Variants in HNF1A observed in about 807,000 individuals in gnomAD.
The protein encoded by HNF1A is hepatocyte nuclear factor 1-alpha.
In HNF1A, 21 loss-of-function variants were observed where a neutral mutation model predicts 62.2. That is an observed-to-expected ratio of 0.34 (90% CI 0.24 to 0.49). The LOEUF (loss-of-function observed/expected upper bound fraction) is 0.49, where lower values mean the gene tolerates loss of function less well. Ranked by LOEUF, HNF1A falls within the 20% of genes least tolerant of loss-of-function variation. The pLI, the probability that HNF1A is intolerant of heterozygous loss-of-function variation, is 0.99. For missense variants in HNF1A, 687 were observed against 832.3 expected, an observed-to-expected ratio of 0.83 and a Z score of 2.15; for synonymous variants, 374 against 366.8, an observed-to-expected ratio of 1.02 and a Z score of -0.22.
intron 9 of HNF1A, chr12:121,000,441 T>A (rs1565888624): frequency 6.1e-6 from 1 of 163,056 alleles, no homozygotes. Flanking sequence ...CGAACCCAGG[T>A]CCCACCTCAA....
In HNF1A at chr12:120,996,927, TCTC is replaced by T. The variant is rs1340026595; in HGVS notation, c.1309+186_1309+188del. ...CCTGGGTGAACCAAACAGACCAAAA[TCTC>T]AGCAACTCAAGCAGGGAGGCAGGCA... is the stretch of plus-strand genomic sequence containing the variant. On this transcript the variant is annotated intron_variant, in intron 6 of 9. Transcript: ENST00000257555. This position sits in a 1 kb window ranked among gnomAD's most constrained non-coding sequence, Gnocchi z 4.5. The T allele has an allele frequency of 9.3e-6, 14 of 1,500,546 alleles. No homozygotes were observed. The highest frequency in any genetic ancestry group is 1.3e-5 in the Non-Finnish European group (14 of 1,103,222). The allele number at this position is 1,500,546 out of a possible 1,614,324, so 93.0% of individuals were successfully genotyped here.
At chr12:120,992,209 A>T (rs1234658867) in intron 2 of HNF1A, among the ~76,000 whole-genome samples, 1 of 152,060 alleles carries the variant, frequency 6.6e-6, no homozygotes, top group African/African-American at 2.4e-5. Context: ...TTCACACAGC[A>T]TTTCTTGACT....
chr12:120,999,793 A>T (rs928118338), intron 9 of HNF1A, among the ~76,000 whole-genome samples, 166 bp downstream of exon 9: 9 of 152,092 alleles, frequency 5.9e-5, no homozygotes, highest in Admixed American at 5.9e-4. Context: ...GGCTTCCATG[A>T]AGCCCAAGAG....
rs1877179044 is a variant in HNF1A at position 120,997,613 on chromosome 12, T to C, written c.1449T>C (p.His483=). The C allele has an allele frequency of 6.2e-7, 1 of 1,613,578 alleles. No homozygotes were observed. The change falls in exon 7 of 10, where the codon CAT becomes CAC. Residue 483 remains histidine, a synonymous_variant. Coordinates refer to ENST00000257555, the MANE Select transcript of HNF1A (RefSeq NM_000545.8). ...QQPLMPPVQS[H]VTQSPFMATM... Reference sequence around the variant, plus strand: ...CGCTCATGCCACCTGTGCAGAGCCATGTGACCCAGAGCCCCTTCATGGCCA... The same window carrying C: ...CGCTCATGCCACCTGTGCAGAGCCACGTGACCCAGAGCCCCTTCATGGCCA...
rs531051163 is a variant in HNF1A at position 120,994,719 on chromosome 12, C to G, written c.955+314C>G. ...TCCACTCAACTCCACTCCATCCACT[C>G]CACTCCGTCCAACTTCATCCCATCC... is the stretch of plus-strand genomic sequence containing the variant. On this transcript the variant is annotated intron_variant, in intron 4 of 9. Transcript: ENST00000257555. 1.4e-3 allele frequency among the ~76,000 whole-genome samples: 216 copies of G among 151,466 alleles called. 1 individual carries two copies. The highest frequency in any genetic ancestry group is 4.7e-3 in the African/African-American group (192 of 41,086).
intron 7 of HNF1A, among the ~76,000 whole-genome samples, chr12:120,998,637 G>C (rs1306502755): frequency 6.6e-6 from 1 of 152,090 alleles, no homozygotes; most frequent in Non-Finnish European, 1.5e-5. Context: ...AGAATATGTG[G>C]TTTATGTGCG....
rs766704468 is a variant in HNF1A at position 120,979,030 on chromosome 12, G to A, written c.262G>A (p.Glu88Lys). The change falls in exon 1 of 10, where the codon GAG becomes AAG. Residue 88 changes from glutamate (E) to lysine (K), a missense_variant. Glu to Lys is a moderately conservative substitution (Grantham distance 56, BLOSUM62 1). Coordinates refer to ENST00000257555, the MANE Select transcript of HNF1A (RefSeq NM_000545.8). ...GEDFTPPILKELENLSPEEAA... is the reference protein window; with the variant it reads ...GEDFTPPILKKLENLSPEEAA... Reference sequence around the variant, plus strand: ...AGACTTCACGCCACCCATCCTCAAAGAGCTGGAGAACCTCAGCCCTGAGGA... The same window carrying A: ...AGACTTCACGCCACCCATCCTCAAAAAGCTGGAGAACCTCAGCCCTGAGGA... The A allele has an allele frequency of 1.9e-6, 3 of 1,611,750 alleles. No homozygotes were observed. The South Asian group carries it at 3.3e-5, about 18-fold the overall frequency.
chr12:120,998,699 T>C (rs546011824), intron 7 of HNF1A, among the ~76,000 whole-genome samples: 73 of 151,932 alleles, frequency 4.8e-4, no homozygotes, highest in African/African-American at 1.7e-3. Flanking sequence ...TCCTGAGGGG[T>C]GGGTGGAGGT....
chr12:120,997,381 C>A, intron 6 of HNF1A, 93 bp from the exon 7 acceptor site: 1 of 1,413,618 alleles, frequency 7.1e-7, no homozygotes, highest in Non-Finnish European at 9.4e-7. Context: ...AAACCACGGG[C>A]TCTGGGAAGG....
chr12:121,001,086 T>G lies in HNF1A; in HGVS notation c.1790T>G (p.Leu597Arg). 6.2e-7 allele frequency: 1 copy of G among 1,613,762 alleles called. No individual in the cohort carries two copies. Among genetic ancestry groups the G allele is most frequent in the Non-Finnish European group, 8.5e-7 (1 of 1,179,894 alleles). The stretch of plus-strand genomic sequence containing the variant: ...GCAGTGTCCTCCAGCAGCCTGGTGC[T>G]GTACCAGAGCTCAGACTCCAGCAAT... ...SPTVSSSSLV[L>R]YQSSDSSNGQ... is the part of the protein sequence containing the mutation. The change falls in exon 10 of 10, where the codon CTG becomes CGG. Residue 597 changes from leucine to arginine, a missense_variant. Leu to Arg is a moderately radical substitution (Grantham distance 102). Around this residue, in one of 5 missense-constraint regions of HNF1A, gnomAD observed 408 missense variants for 455.3 expected, o/e 0.90. Coordinates refer to ENST00000257555, the MANE Select transcript of HNF1A (RefSeq NM_000545.8).
At position 120,978,773 on chromosome 12, in the gene HNF1A, T is replaced by C; in HGVS notation, c.5T>C (p.Val2Ala). 3 of 1,612,262 alleles carry C rather than the reference T, an allele frequency of 1.9e-6. No homozygotes were observed. The highest frequency in any genetic ancestry group is 2.5e-6 in the Non-Finnish European group (3 of 1,179,672). The change falls in exon 1 of 10, where the codon GTT (valine) becomes GCT (alanine). Residue 2 changes from valine to alanine, a missense_variant. This residue lies in a region of HNF1A where 159 missense variants were observed against 154.4 expected (regional missense o/e 1.03). Transcript: ENST00000257555. ...TGGCCCTGTGGCAGCCGAGCCATGG[T>C]TTCTAAACTGAGCCAGCTGCAGACG... M[V>A]SKLSQLQTEL...
intron 7 of HNF1A, 28 bp downstream of exon 7, chr12:120,997,693 G>A (rs748900243): frequency 1.3e-6 from 2 of 1,594,146 alleles, no homozygotes; most frequent in Non-Finnish European, 1.7e-6. Context: ...CACACAGCAG[G>A]AGATGATGAT....
intron 1 of HNF1A, among the ~76,000 whole-genome samples, chr12:120,987,697 C>A (rs986442573): frequency 6.6e-6 from 1 of 151,908 alleles, no homozygotes. Context: ...ACAGGACAAG[C>A]AGAGTCCCAC....
Position 121,002,445 on chromosome 12 carries a change from G to T in HNF1A, c.*1253G>T. The T allele has an allele frequency of 1.9e-6, 1 of 530,892 alleles. No homozygotes were observed. The highest frequency in any genetic ancestry group is 1.5e-5 in the South Asian group (1 of 65,178). The allele number at this position is 530,892 out of a possible 1,614,324, so 32.9% of individuals were successfully genotyped here. A position where few individuals can be genotyped will look rare whatever the true frequency, so the allele number is the denominator to read the frequency against. ...GGTGACCCGGCACCCCCTGCAGCTT[G>T]TAGCCAGCCGGGGCGAGTGGCACGT... is the stretch of plus-strand genomic sequence containing the variant. On this transcript the variant is annotated 3_prime_UTR_variant, in exon 10 of 10. Coordinates refer to ENST00000257555, the MANE Select transcript of HNF1A (RefSeq NM_000545.8).
Position 121,001,669 on chromosome 12 carries a change from G to A in HNF1A, c.*477G>A, listed in dbSNP as rs1877498396. 4.3e-6 allele frequency: 2 copies of A among 463,800 alleles called. No individual in the cohort carries two copies. Among genetic ancestry groups the A allele is most frequent in the Non-Finnish European group, 4.2e-6 (1 of 240,102 alleles). The allele number at this position is 463,800 out of a possible 1,614,324, so 28.7% of individuals were successfully genotyped here. On this transcript the variant is annotated 3_prime_UTR_variant, in exon 10 of 10. Coordinates refer to ENST00000257555, the MANE Select transcript of HNF1A (RefSeq NM_000545.8). ...TTGTTCTGTCACCAATGTACCCACCGGGCCACTCCTTCCTGCCCCAACTCC... is the reference window on the plus strand; with the variant it reads ...TTGTTCTGTCACCAATGTACCCACCAGGCCACTCCTTCCTGCCCCAACTCC...
At chr12:120,984,196 G>A (rs1876398209) in intron 1 of HNF1A, among the ~76,000 whole-genome samples, 1 of 152,116 alleles carries the variant, frequency 6.6e-6, no homozygotes, top group Admixed American at 6.5e-5. Context: ...GTTCGTATCA[G>A]CTCACTTTAA....
chr12:120,985,657 G>A (rs1876473217), intron 1 of HNF1A, among the ~76,000 whole-genome samples: 1 of 151,658 alleles, frequency 6.6e-6, no homozygotes, highest in East Asian at 2.0e-4. Context: ...GGGAGACAGA[G>A]CAAGTAGCCT....
At chr12:120,982,460 A>AG (rs1007580596) in intron 1 of HNF1A, among the ~76,000 whole-genome samples, 1,772 of 151,358 alleles carry the variant, frequency 0.012, 13 homozygotes, top group South Asian at 0.038. Context: ...CCACGGCAGG[A>AG]GGGGGGGGGG....
At chr12:120,999,749 G>A in intron 9 of HNF1A, 122 bp downstream of exon 9, 1 of 1,279,158 alleles carries the variant, frequency 7.8e-7, no homozygotes, top group Non-Finnish European at 1.1e-6. Flanking sequence ...GGGCTGCTGT[G>A]AGGAAGCACT....
Sources: gnomAD v4.1 joint callset for allele counts (sites outside exome capture counted in the v4.1 genomes callset) on GRCh38, gnomAD v4.1.1 for gene constraint, gnomAD v4.1.1 regional missense constraint, Gnocchi (gnomAD v3.1) non-coding constraint, MANE v1.5 for transcripts, NCBI Gene and HGNC (gene_info 2026-07-23, HGNC 2026-07-21) for gene names.